The following ATP9B variants were observed in gnomAD, a reference collection of about 807,000 sequenced individuals.
ATP9B encodes probable phospholipid-transporting ATPase IIB.
Under a neutral mutation model 146.1 loss-of-function variants are expected in ATP9B, and 110 were observed. The ratio of observed to expected loss-of-function variants is 0.75; its 90% CI spans 0.65 to 0.88. ATP9B has a LOEUF of 0.88. Ranked by LOEUF, ATP9B falls within the 40% of genes least tolerant of loss-of-function variation. The pLI is 0.00. For synonymous variants in ATP9B, 604 were observed against 569.7 expected (o/e 1.06, Z -0.86); for missense variants, 1,499 against 1,496.4 (o/e 1.00, Z -0.03).
chr18:79,079,470 TC>T (rs1257015584), intron 1 of ATP9B, among the ~76,000 whole-genome samples: 1 of 152,238 alleles, frequency 6.6e-6, no homozygotes, highest in Non-Finnish European at 1.5e-5. Context: ...TCTGTTCATA[TC>T]CTTTGCTTGC....
intron 15 of ATP9B, among the ~76,000 whole-genome samples, chr18:79,325,880 T>C (rs1039282910): frequency 1.3e-5 from 2 of 149,046 alleles, no homozygotes; most frequent in Admixed American, 1.3e-4. Flanking sequence ...GTCATCTCTG[T>C]ACCCTCCGTC....
rs1392605749 is a variant in ATP9B at position 79,177,052 on chromosome 18, A to G, written c.873+145A>G. The G allele has an allele frequency of 4.4e-6, 3 of 682,488 alleles. No homozygotes were observed. In the African/African-American group the frequency reaches 5.5e-5, roughly 13 times the overall value. 42.3% of individuals were successfully genotyped at this position (682,488 alleles called of 1,614,324 possible). ...CTTTATTCCTCATGAAGGTTCATTG[A>G]AGAATTGTGCCAAAATAATTTCTGT... is the stretch of plus-strand genomic sequence containing the variant. On this transcript the variant is annotated intron_variant, in intron 8 of 29. Transcript: ENST00000426216.
At chr18:79,100,893 C>G (rs1442737593) in intron 2 of ATP9B, among the ~76,000 whole-genome samples, 1 of 152,152 alleles carries the variant, frequency 6.6e-6, no homozygotes, top group Non-Finnish European at 1.5e-5. Flanking sequence ...GAGACTCATT[C>G]ACTATCAGGA....
chr18:79,188,896 T>TA (rs1283958851), intron 8 of ATP9B, among the ~76,000 whole-genome samples: 7 of 152,128 alleles, frequency 4.6e-5, no homozygotes, highest in Admixed American at 2.0e-4. Context: ...AGCATTTTTT[T>TA]TTTTTTTAGT....
At chr18:79,088,520 T>C (rs969666741) in intron 1 of ATP9B, among the ~76,000 whole-genome samples, 2 of 152,252 alleles carry the variant, frequency 1.3e-5, no homozygotes, top group African/African-American at 4.8e-5. Flanking sequence ...GTTGTGAGGT[T>C]GTTCTGTGAT....
intron 12 of ATP9B, among the ~76,000 whole-genome samples, chr18:79,270,633 TCTTAA>T (rs927943027): frequency 7.2e-5 from 11 of 152,288 alleles, no homozygotes; most frequent in Non-Finnish European, 1.6e-4. Context: ...AATATGGAAA[TCTTAA>T]CTTTCAACCA....
intron 4 of ATP9B, among the ~76,000 whole-genome samples, chr18:79,116,940 T>TAAA (rs377608135): frequency 5.6e-5 from 6 of 106,800 alleles, no homozygotes; most frequent in African/African-American, 1.1e-4. Context: ...AAAAAAAAAT[T>TAAA]AAAAAAAAAA....
At position 79,347,887 on chromosome 18, in the gene ATP9B, T is replaced by C. The variant is rs1461121435; in HGVS notation, c.2800T>C (p.Phe934Leu). 6.2e-6 allele frequency: 10 copies of C among 1,613,478 alleles called. No homozygotes were observed. The highest frequency in any genetic ancestry group is 3.3e-5 in the Admixed American group (2 of 59,958). Reference sequence around the variant, plus strand: ...CAAGAGGTCGGCGGCACTCGGCCAGTTCGTCATGCACAGGGGCCTTATCAT... The same window carrying C: ...CAAGAGGTCGGCGGCACTCGGCCAGCTCGTCATGCACAGGGGCCTTATCAT... ...SYKRSAALGQ[F>L]VMHRGLIIST... is the part of the protein sequence containing the mutation. The change falls in exon 24 of 30, where the codon TTC (phenylalanine) becomes CTC (leucine). Residue 934 changes from phenylalanine (F) to leucine (L), a missense_variant. Transcript: ENST00000426216.
At position 79,229,784 on chromosome 18, in the gene ATP9B, A is replaced by G. The variant is rs1346109078; in HGVS notation, c.1107+15746A>G. On this transcript the variant is annotated intron_variant, in intron 11 of 29. Transcript: ENST00000426216. ...AGCTTTCTGGATAAAAAATCATAAC[A>G]ATTTTAAAGATAATTTATGGATGCT... Among the ~76,000 whole-genome samples, 5 of 152,264 alleles carry G rather than the reference A, an allele frequency of 3.3e-5. No homozygotes were observed. In the South Asian group the frequency reaches 1.0e-3, roughly 31 times the overall value.
intron 11 of ATP9B, among the ~76,000 whole-genome samples, chr18:79,226,386 C>T (rs574957457): frequency 5.3e-4 from 81 of 152,322 alleles, no homozygotes; most frequent in African/African-American, 1.9e-3. Context: ...GCCACCACAG[C>T]GCATCCTGCC....
At chr18:79,206,894 C>A (rs2095539464) in intron 9 of ATP9B, 43 bp from the exon 10 acceptor site, 6 of 1,576,180 alleles carry the variant, frequency 3.8e-6, no homozygotes, top group Non-Finnish European at 5.2e-6. Context: ...GAATAATGAA[C>A]AATCATTTGA....
intron 1 of ATP9B, among the ~76,000 whole-genome samples, chr18:79,084,679 G>A (rs751963496): frequency 6.6e-6 from 1 of 152,160 alleles, no homozygotes; most frequent in Non-Finnish European, 1.5e-5. Context: ...ACATCGCTTT[G>A]TGAGCATTGA....
chr18:79,147,098 A>G (rs1279452747), intron 6 of ATP9B, among the ~76,000 whole-genome samples: 3 of 152,266 alleles, frequency 2.0e-5, no homozygotes, highest in African/African-American at 7.2e-5. Flanking sequence ...AAGAAAATTA[A>G]CACAGACAAA....
At chr18:79,138,622 T>A (rs1205110058) in intron 5 of ATP9B, among the ~76,000 whole-genome samples, 1 of 152,210 alleles carries the variant, frequency 6.6e-6, no homozygotes, top group Non-Finnish European at 1.5e-5. Flanking sequence ...TTCATTTAGT[T>A]TACTTGTGAG....
intron 12 of ATP9B, among the ~76,000 whole-genome samples, chr18:79,274,789 T>C (rs2096289661): frequency 6.6e-6 from 1 of 152,260 alleles, no homozygotes; most frequent in Admixed American, 6.5e-5. Flanking sequence ...GCTACTGCTT[T>C]ATACAATCTT....
chr18:79,096,859 A>G (rs1031143363), intron 2 of ATP9B, among the ~76,000 whole-genome samples: 3 of 152,174 alleles, frequency 2.0e-5, no homozygotes, highest in Non-Finnish European at 4.4e-5. Flanking sequence ...AGAAGTTTTA[A>G]TGGTTAAAAG....
chr18:79,121,390 A>G (rs1474281997), intron 4 of ATP9B, among the ~76,000 whole-genome samples: 1 of 152,140 alleles, frequency 6.6e-6, no homozygotes, highest in Non-Finnish European at 1.5e-5. Context: ...TGATTTTTCT[A>G]GGGAGCAGTG....
At chr18:79,374,224 G>C (rs931423577) in intron 28 of ATP9B, 123 bp downstream of exon 28, 4 of 1,172,722 alleles carry the variant, frequency 3.4e-6, no homozygotes, top group African/African-American at 1.5e-5. Context: ...ATATCAGAAA[G>C]TGCCTGCTCT....
intron 13 of ATP9B, among the ~76,000 whole-genome samples, chr18:79,290,162 T>C (rs1355756858): frequency 3.3e-5 from 5 of 152,162 alleles, no homozygotes; most frequent in Non-Finnish European, 5.9e-5. Context: ...GACAGGGACA[T>C]TTAAGTCTGC....
Sources: gnomAD v4.1 joint callset for allele counts (sites outside exome capture counted in the v4.1 genomes callset) on GRCh38, gnomAD v4.1.1 for gene constraint, MANE v1.5 for transcripts, NCBI Gene and HGNC (gene_info 2026-07-23, HGNC 2026-07-21) for gene names.